The following CNNM2 variants were observed in gnomAD, a reference collection of about 807,000 sequenced individuals.
CNNM2 encodes metal transporter CNNM2.
A neutral mutation model predicts 66.9 loss-of-function variants in CNNM2; 12 were observed. The observed-to-expected ratio is 0.18, with a 90% confidence interval of 0.11 to 0.29. The LOEUF is 0.29. Among genes scored for constraint, CNNM2 ranks in the 10% least tolerant of loss-of-function variants. The pLI, the probability that CNNM2 is intolerant of heterozygous loss-of-function variation, is 1.00. For synonymous variants in CNNM2, 557 were observed against 501.8 expected (o/e 1.11, Z -1.47); for missense variants, 705 against 1,167.7 (o/e 0.60, Z 5.77).
intron 1 of CNNM2, among the ~76,000 whole-genome samples, chr10:103,013,930 A>T (rs1455442328): frequency 1.3e-5 from 2 of 152,208 alleles, no homozygotes. Context: ...CAAGATTTAG[A>T]TGAGCTCTCA....
chr10:102,989,525 G>T (rs965873163), intron 1 of CNNM2, among the ~76,000 whole-genome samples: 6 of 152,056 alleles, frequency 3.9e-5, no homozygotes, highest in African/African-American at 1.4e-4. Flanking sequence ...GTTTGGGGAC[G>T]GGCATGGTGA....
chr10:102,941,490 C>T (rs1031983210), intron 1 of CNNM2, among the ~76,000 whole-genome samples: 1 of 152,084 alleles, frequency 6.6e-6, no homozygotes, highest in African/African-American at 2.4e-5. Flanking sequence ...GGGATATGGC[C>T]CCTTCTTTGG....
chr10:102,958,214 G>A (rs1423828351), intron 1 of CNNM2, among the ~76,000 whole-genome samples: 1 of 152,142 alleles, frequency 6.6e-6, no homozygotes, highest in Non-Finnish European at 1.5e-5. Flanking sequence ...GGGATTACAG[G>A]TGTGAGCCAC....
chr10:103,022,518 G>A (rs1363348850), intron 1 of CNNM2, among the ~76,000 whole-genome samples: 5 of 152,156 alleles, frequency 3.3e-5, no homozygotes. Context: ...TCTGTTTAGT[G>A]ACACTGTTAA....
At chr10:102,945,049 ATGAGG>A (rs1846565114) in intron 1 of CNNM2, among the ~76,000 whole-genome samples, 1 of 151,258 alleles carries the variant, frequency 6.6e-6, no homozygotes, top group Non-Finnish European at 1.5e-5. Context: ...CAAGGAATCT[ATGAGG>A]TGATATTTTT....
At chr10:103,075,811 A>C (rs1223484449) in intron 6 of CNNM2, among the ~76,000 whole-genome samples, 1 of 152,170 alleles carries the variant, frequency 6.6e-6, no homozygotes, top group Non-Finnish European at 1.5e-5. Context: ...TCACGAAGGC[A>C]CACAGTGCAG....
rs542406271 is a variant in CNNM2, at chr10:103,016,612, G to A, written c.1622-33095G>A. ...TTTGATATATGCTGCCATGCCAAGC[G>A]GTGTGATTAAATTACAGTGTCGTCT... On this transcript the variant is annotated intron_variant, in intron 1 of 7. Coordinates refer to ENST00000369878, the MANE Select transcript of CNNM2 (RefSeq NM_017649.5). 9.9e-5 allele frequency among the ~76,000 whole-genome samples: 15 copies of A among 152,216 alleles called. No homozygotes were observed. In the East Asian group the frequency reaches 1.7e-3, roughly 18 times the overall value.
At chr10:103,019,268 CAAA>C (rs545630160) in intron 1 of CNNM2, among the ~76,000 whole-genome samples, 13 of 63,562 alleles carry the variant, frequency 2.0e-4, no homozygotes, top group Admixed American at 5.4e-4. Flanking sequence ...GACCCTGTCT[CAAA>C]AAAAAAAAAA....
At chr10:103,028,339 C>T (rs570807494) in intron 1 of CNNM2, among the ~76,000 whole-genome samples, 1 of 152,206 alleles carries the variant, frequency 6.6e-6, no homozygotes, top group Admixed American at 6.5e-5. Context: ...TACTTGACAA[C>T]TCATTGTATT....
intron 1 of CNNM2, among the ~76,000 whole-genome samples, chr10:102,937,788 T>G (rs1406512307): frequency 3.8e-5 from 2 of 53,272 alleles, no homozygotes. Context: ...ACAGAAACCT[T>G]TTTTTTTTCT....
At chr10:103,020,642 T>A (rs2064555531) in intron 1 of CNNM2, among the ~76,000 whole-genome samples, 1 of 152,162 alleles carries the variant, frequency 6.6e-6, no homozygotes. Context: ...AGTATAAATT[T>A]CATACTGTTT....
At position 102,968,963 on chromosome 10, in the gene CNNM2, G is replaced by C. The variant is rs181392934; in HGVS notation, c.1621+48862G>C. ...GGGTCTCACTCTGTCACCCAGGCTA[G>C]AATGCAGTGGAATGATCTTGGCTTA... On this transcript the variant is annotated intron_variant, in intron 1 of 7. Coordinates refer to ENST00000369878, the MANE Select transcript of CNNM2 (RefSeq NM_017649.5). 1.0e-4 allele frequency among the ~76,000 whole-genome samples: 14 copies of C among 138,814 alleles called. No individual in the cohort carries two copies. The East Asian group carries it at 2.4e-3, about 24-fold the overall frequency. The allele number at this position is 138,814 out of a possible 152,430, so 91.1% of individuals were successfully genotyped here.
intron 1 of CNNM2, among the ~76,000 whole-genome samples, chr10:103,010,600 G>A (rs983149816): frequency 6.6e-5 from 10 of 151,906 alleles, no homozygotes; most frequent in African/African-American, 1.9e-4. Flanking sequence ...TTAAAGGGTA[G>A]TGGGATTTAA....
chr10:103,076,860 T>G, intron 7 of CNNM2, 111 bp from the exon 8 acceptor site: 2 of 971,852 alleles, frequency 2.1e-6, no homozygotes, highest in South Asian at 2.9e-5. Context: ...CAAGTGTGAT[T>G]TTCTCCTAGA....
intron 1 of CNNM2, among the ~76,000 whole-genome samples, chr10:102,977,242 C>G (rs1443894523): frequency 2.6e-5 from 4 of 152,028 alleles, no homozygotes; most frequent in African/African-American, 9.7e-5. Context: ...TGGGAACAAG[C>G]ATTTTGGATT....
At chr10:103,015,467 T>G (rs1403761214) in intron 1 of CNNM2, among the ~76,000 whole-genome samples, 1 of 125,012 alleles carries the variant, frequency 8.0e-6, no homozygotes, top group African/African-American at 2.9e-5. Context: ...TGGATTGATT[T>G]ATAACACTTA....
chr10:102,981,561 T>G (rs1336788729), intron 1 of CNNM2, among the ~76,000 whole-genome samples: 1 of 151,190 alleles, frequency 6.6e-6, no homozygotes, highest in Non-Finnish European at 1.5e-5. Flanking sequence ...CGGCTAACTT[T>G]GGTATTTTTT....
At chr10:102,970,669 C>T (rs2134215261) in intron 1 of CNNM2, among the ~76,000 whole-genome samples, 1 of 152,272 alleles carries the variant, frequency 6.6e-6, no homozygotes, top group African/African-American at 2.4e-5. Flanking sequence ...TTCACAGGCA[C>T]AGTACCAGTA....
In CNNM2 at chr10:103,083,478, C is replaced by A. The variant is rs2065775789; in HGVS notation, c.*6298C>A. 1 of 152,194 alleles carries A rather than the reference C, an allele frequency of 6.6e-6. No individual in the cohort carries two copies. The highest frequency in any genetic ancestry group is 2.1e-4 in the South Asian group (1 of 4,816). The allele number at this position is 152,194 out of a possible 1,614,324, so 9.4% of individuals were successfully genotyped here. On this transcript the variant is annotated 3_prime_UTR_variant, in exon 8 of 8. Transcript: ENST00000369878. ...AGCTTGGCTGAACCAACTGCCCTAC[C>A]CACTTGCCTGGCTTTGCTGGTGGGA...
Sources: gnomAD v4.1 joint callset for allele counts (sites outside exome capture counted in the v4.1 genomes callset) on GRCh38, gnomAD v4.1.1 for gene constraint, MANE v1.5 for transcripts, NCBI Gene and HGNC (gene_info 2026-07-23, HGNC 2026-07-21) for gene names.